Variants in SGCD observed in about 807,000 individuals in gnomAD.
SGCD encodes the protein sarcoglycan delta.
SGCD carries 18 observed loss-of-function variants against 36.6 expected under a neutral mutation model. That is an observed-to-expected ratio of 0.49 (90% CI 0.34 to 0.73). The LOEUF (loss-of-function observed/expected upper bound fraction) is 0.73. Ranked by LOEUF, SGCD falls within the 30% of genes least tolerant of loss-of-function variation. The pLI is 0.01. For synonymous variants in SGCD, 133 were observed against 130.6 expected (o/e 1.02, Z -0.12); for missense variants, 387 against 346.7 (o/e 1.12, Z -0.92).
At chr5:155,770,616 T>A in the SGCD span, among the ~76,000 whole-genome samples, 1 of 152,080 alleles carries the variant, frequency 6.6e-6, no homozygotes, top group South Asian at 2.1e-4. Flanking sequence ...TGTTGGAGGG[T>A]TTGAAGCAGG....
chr5:155,841,184 T>C, the SGCD span, among the ~76,000 whole-genome samples: 1 of 152,008 alleles, frequency 6.6e-6, no homozygotes, highest in African/African-American at 2.4e-5. Flanking sequence ...TGCTGATTAA[T>C]GGGAGAAAAG....
chr5:156,075,130 G>A (rs952134852), intron 1 of SGCD, among the ~76,000 whole-genome samples: 5 of 152,018 alleles, frequency 3.3e-5, no homozygotes, highest in African/African-American at 1.2e-4. Flanking sequence ...TTTTAGGTAT[G>A]TACATAATGC....
rs567734273 is a variant in SGCD at position 156,761,368 on chromosome 5, T to C, written c.*1978T>C. 2 of 152,318 alleles carry C rather than the reference T, an allele frequency of 1.3e-5. No individual in the cohort carries two copies. Among genetic ancestry groups the C allele is most frequent in the African/African-American group, 4.8e-5 (2 of 41,554 alleles). 9.4% of individuals were successfully genotyped at this position (152,318 alleles called of 1,614,324 possible). On this transcript the variant is annotated 3_prime_UTR_variant, in exon 9 of 9. Transcript: ENST00000337851. ...GCAGAAGAGTTGGGCTGGTCACTCTTAGGGGTGAGACCCCGTGATTGGTTG... is the reference window on the plus strand; with the variant it reads ...GCAGAAGAGTTGGGCTGGTCACTCTCAGGGGTGAGACCCCGTGATTGGTTG...
chr5:156,370,485 G>A (rs1006570683), intron 3 of SGCD, among the ~76,000 whole-genome samples: 1 of 152,192 alleles, frequency 6.6e-6, no homozygotes, highest in African/African-American at 2.4e-5. Flanking sequence ...GCCCATGTAA[G>A]AGCATTTTCA....
At chr5:156,393,854 A>G in intron 3 of SGCD, 2 of 456,100 alleles carry the variant, frequency 4.4e-6, no homozygotes, top group South Asian at 1.5e-5. Context: ...TCCAGTACCC[A>G]CTTTGCTGCT....
intron 3 of SGCD, among the ~76,000 whole-genome samples, chr5:156,171,129 T>A (rs994055526): frequency 2.0e-5 from 3 of 152,160 alleles, no homozygotes; most frequent in African/African-American, 7.2e-5. Context: ...TCCAAGGAGG[T>A]ACCAAAACAT....
At chr5:156,112,043 G>A (rs559068407) in intron 1 of SGCD, among the ~76,000 whole-genome samples, 1 of 152,302 alleles carries the variant, frequency 6.6e-6, no homozygotes, top group Admixed American at 6.5e-5. Flanking sequence ...GCCTCTCAAA[G>A]TGCTGGGATT....
intron 3 of SGCD, among the ~76,000 whole-genome samples, chr5:156,408,894 A>C (rs563468190): frequency 1.3e-5 from 2 of 152,280 alleles, no homozygotes; most frequent in South Asian, 2.1e-4. Flanking sequence ...TTCAAGTCTC[A>C]GTTTTCACAC....
intron 1 of SGCD, among the ~76,000 whole-genome samples, chr5:156,047,629 C>A (rs2127580125): frequency 6.6e-6 from 1 of 152,212 alleles, no homozygotes; most frequent in South Asian, 2.1e-4. Flanking sequence ...AAGCCTGCTG[C>A]TAAGACTTAC....
At chr5:156,158,484 G>A (rs531834916) in intron 3 of SGCD, among the ~76,000 whole-genome samples, 48 of 151,654 alleles carry the variant, frequency 3.2e-4, no homozygotes, top group South Asian at 2.3e-3. Context: ...GGGAGTGACA[G>A]CCACTTCTAG....
intron 3 of SGCD, among the ~76,000 whole-genome samples, chr5:156,210,639 T>C (rs1764412906): frequency 6.6e-6 from 1 of 150,948 alleles, no homozygotes; most frequent in South Asian, 2.1e-4. Context: ...CAAACAGAAG[T>C]CCTGGGACTG....
intron 4 of SGCD, among the ~76,000 whole-genome samples, chr5:156,516,203 G>T (rs1220043727): frequency 6.6e-6 from 1 of 151,920 alleles, no homozygotes; most frequent in Admixed American, 6.6e-5. Context: ...CTGATCCCAT[G>T]CCTCCTGACT....
chr5:156,071,311 A>G (rs1316100758), intron 1 of SGCD, among the ~76,000 whole-genome samples: 1 of 152,190 alleles, frequency 6.6e-6, no homozygotes, highest in Non-Finnish European at 1.5e-5. Context: ...AATGTGTCCC[A>G]GAGATTCTGG....
chr5:155,999,481 CT>C (rs1758620344), intron 1 of SGCD, among the ~76,000 whole-genome samples: 1 of 152,158 alleles, frequency 6.6e-6, no homozygotes, highest in African/African-American at 2.4e-5. Flanking sequence ...TTTTCTTTCA[CT>C]TATTCAACAA....
At chr5:156,527,959 T>C (rs961491324) in intron 4 of SGCD, among the ~76,000 whole-genome samples, 17 of 152,226 alleles carry the variant, frequency 1.1e-4, no homozygotes, top group African/African-American at 4.1e-4. Context: ...CTGCCTTATC[T>C]AAAATATATC....
chr5:156,285,828 T>A (rs547686299), intron 3 of SGCD, among the ~76,000 whole-genome samples: 6 of 152,028 alleles, frequency 3.9e-5, no homozygotes, highest in African/African-American at 1.2e-4. Context: ...ACAAATGGGA[T>A]CTAATTAAAC....
intron 1 of SGCD, among the ~76,000 whole-genome samples, chr5:155,929,003 A>C (rs1031954435): frequency 6.6e-6 from 1 of 152,144 alleles, no homozygotes; most frequent in Non-Finnish European, 1.5e-5. Flanking sequence ...TAAAAGTAAT[A>C]TTTTCTCATT....
chr5:156,269,755 T>C (rs2127669164), intron 3 of SGCD, among the ~76,000 whole-genome samples: 1 of 152,350 alleles, frequency 6.6e-6, no homozygotes, highest in African/African-American at 2.4e-5. Context: ...TCCTTGTAGA[T>C]GCTGGATGTT....
chr5:155,840,588 TTGTGTGTGTG>T, the SGCD span, among the ~76,000 whole-genome samples: 1 of 147,072 alleles, frequency 6.8e-6, no homozygotes, highest in African/African-American at 2.5e-5. Flanking sequence ...TGCACCCGGC[TTGTGTGTGTG>T]TGTGTGTGTG....
Sources: allele counts gnomAD v4.1 joint callset (sites outside exome capture counted in the v4.1 genomes callset), GRCh38; gene constraint gnomAD v4.1.1; transcripts MANE v1.5; gene names NCBI Gene and HGNC (gene_info 2026-07-23, HGNC 2026-07-21).